Variants in COMMD10 observed in about 807,000 individuals in gnomAD.
COMMD10 encodes the protein COMM domain-containing protein 10.
Under a neutral mutation model 28.9 loss-of-function variants are expected in COMMD10, and 33 were observed. The ratio of observed to expected loss-of-function variants is 1.14; its 90% CI spans 0.87 to 1.53. The LOEUF is 1.53. Ranked by LOEUF, COMMD10 falls within the 40% of genes most tolerant of loss-of-function variation. The probability of loss-of-function intolerance (pLI) is 0.00; values close to 1 mark genes in which losing one functional copy is unlikely to be tolerated. For synonymous variants in COMMD10, 110 were observed against 81.7 expected (o/e 1.35, Z -1.87); for missense variants, 310 against 233.4 (o/e 1.33, Z -2.14).
chr5:116,268,869 T>G (rs1356389514), intron 5 of COMMD10, among the ~76,000 whole-genome samples: 1 of 151,562 alleles, frequency 6.6e-6, no homozygotes, highest in African/African-American at 2.4e-5. Context: ...ACACCGCATA[T>G]TCTCACTCAT....
At chr5:116,238,464 A>G (rs189058804) in intron 5 of COMMD10, among the ~76,000 whole-genome samples, 1 of 152,186 alleles carries the variant, frequency 6.6e-6, no homozygotes, top group Non-Finnish European at 1.5e-5. Flanking sequence ...TAAATGTTAC[A>G]TCTGTTAATA....
At chr5:116,159,024 A>G (rs773216628) in intron 5 of COMMD10, among the ~76,000 whole-genome samples, 14 of 152,178 alleles carry the variant, frequency 9.2e-5, no homozygotes, top group Admixed American at 6.6e-5. Context: ...CTAATCATTT[A>G]CATTTGACAT....
chr5:116,208,457 C>CAGTT (rs1748874260), intron 5 of COMMD10, among the ~76,000 whole-genome samples: 1 of 151,976 alleles, frequency 6.6e-6, no homozygotes, highest in East Asian at 1.9e-4. Flanking sequence ...CAGTAATGAA[C>CAGTT]AGTTATTCCC....
At chr5:116,286,838 G>T (rs1027315793) in intron 5 of COMMD10, among the ~76,000 whole-genome samples, 2 of 151,736 alleles carry the variant, frequency 1.3e-5, no homozygotes, top group African/African-American at 4.9e-5. Context: ...TGCTATTTTT[G>T]ATTAGAGTGT....
chr5:116,276,242 A>G (rs1395788921), intron 5 of COMMD10, among the ~76,000 whole-genome samples: 2 of 151,542 alleles, frequency 1.3e-5, no homozygotes, highest in Non-Finnish European at 1.5e-5. Context: ...CATGATTGAG[A>G]AATATCTTCT....
intron 5 of COMMD10, among the ~76,000 whole-genome samples, chr5:116,238,709 T>G (rs912961367): frequency 6.6e-6 from 1 of 152,180 alleles, no homozygotes; most frequent in African/African-American, 2.4e-5. Context: ...GGCAACAAGA[T>G]GAAAATCTCC....
chr5:116,154,606 G>A lies in COMMD10; in HGVS notation c.510+20428G>A, dbSNP rs1211506546. ...TATAAAAATTCTTTCAGATAGTTTAGGTAAGACTTATACATTAAGTGATTT... is the reference window on the plus strand; with the variant it reads ...TATAAAAATTCTTTCAGATAGTTTAAGTAAGACTTATACATTAAGTGATTT... On this transcript the variant is annotated intron_variant, in intron 5 of 6. Coordinates refer to ENST00000274458, the MANE Select transcript of COMMD10 (RefSeq NM_016144.4). Among the ~76,000 whole-genome samples, 3 of 152,122 alleles carry A rather than the reference G, an allele frequency of 2.0e-5. No individual in the cohort carries two copies. In the East Asian group the frequency reaches 5.8e-4, roughly 29 times the overall value.
intron 4 of COMMD10, among the ~76,000 whole-genome samples, chr5:116,132,901 T>G (rs1458275814): frequency 6.6e-6 from 1 of 152,152 alleles, no homozygotes; most frequent in Non-Finnish European, 1.5e-5. Flanking sequence ...TTCCTTCTTT[T>G]TACCCATAAC....
intron 5 of COMMD10, among the ~76,000 whole-genome samples, chr5:116,260,048 A>T (rs1185114632): frequency 6.6e-6 from 1 of 151,726 alleles, no homozygotes; most frequent in Non-Finnish European, 1.5e-5. Context: ...CTGCACTATC[A>T]TTCTTTCTTC....
intron 5 of COMMD10, among the ~76,000 whole-genome samples, chr5:116,247,596 TGTG>T (rs995001133): frequency 6.6e-6 from 1 of 151,946 alleles, no homozygotes; most frequent in Non-Finnish European, 1.5e-5. Context: ...ATAAAGAAAA[TGTG>T]GTACATACAC....
At chr5:116,123,924 A>G (rs867925775) in intron 4 of COMMD10, among the ~76,000 whole-genome samples, 1 of 68,082 alleles carries the variant, frequency 1.5e-5, no homozygotes, top group Non-Finnish European at 5.0e-5. Flanking sequence ...TATCCCCTTT[A>G]TCATTTTTTT....
chr5:116,234,804 GTT>G (rs1300793206), intron 5 of COMMD10, among the ~76,000 whole-genome samples: 1 of 152,298 alleles, frequency 6.6e-6, no homozygotes, highest in African/African-American at 2.4e-5. Context: ...CTCAGAGTCT[GTT>G]TTGTGAAGAG....
intron 5 of COMMD10, among the ~76,000 whole-genome samples, chr5:116,159,587 G>A (rs942802467): frequency 6.6e-6 from 1 of 152,210 alleles, no homozygotes; most frequent in Non-Finnish European, 1.5e-5. Flanking sequence ...AGGCTTGTAT[G>A]CAGTGCAGTT....
At chr5:116,160,203 T>C (rs1752871140) in intron 5 of COMMD10, among the ~76,000 whole-genome samples, 1 of 152,238 alleles carries the variant, frequency 6.6e-6, no homozygotes, top group African/African-American at 2.4e-5. Context: ...TGGGAGAGAC[T>C]GTAATGAGTA....
At chr5:116,238,085 T>C (rs1165875181) in intron 5 of COMMD10, among the ~76,000 whole-genome samples, 2 of 152,212 alleles carry the variant, frequency 1.3e-5, no homozygotes, top group African/African-American at 2.4e-5. Flanking sequence ...CTGAAAATAG[T>C]AATGCCCTAG....
intron 5 of COMMD10, among the ~76,000 whole-genome samples, chr5:116,221,863 A>G (rs974806509): frequency 1.3e-5 from 2 of 152,268 alleles, no homozygotes; most frequent in Non-Finnish European, 1.5e-5. Flanking sequence ...CTTACCAGAG[A>G]ACACATAACA....
intron 5 of COMMD10, among the ~76,000 whole-genome samples, chr5:116,147,437 G>C (rs1248488998): frequency 6.6e-6 from 1 of 151,832 alleles, no homozygotes; most frequent in Admixed American, 6.6e-5. Flanking sequence ...TTTCGTAAAT[G>C]TTTGATTCCT....
At chr5:116,146,131 A>T (rs1752341643) in intron 5 of COMMD10, among the ~76,000 whole-genome samples, 1 of 152,016 alleles carries the variant, frequency 6.6e-6, no homozygotes, top group South Asian at 2.1e-4. Flanking sequence ...AGAAGTGGAT[A>T]CATGTAAAAC....
intron 5 of COMMD10, among the ~76,000 whole-genome samples, chr5:116,199,034 ACTGT>A (rs1748598996): frequency 6.6e-6 from 1 of 152,058 alleles, no homozygotes; most frequent in Non-Finnish European, 1.5e-5. Context: ...AAATTGCCAA[ACTGT>A]CTTTCATGGT....
Sources: gnomAD v4.1 joint callset for allele counts (sites outside exome capture counted in the v4.1 genomes callset) on GRCh38, gnomAD v4.1.1 for gene constraint, MANE v1.5 for transcripts, NCBI Gene and HGNC (gene_info 2026-07-23, HGNC 2026-07-21) for gene names.